Variants in CYREN observed in about 807,000 individuals in gnomAD.
CYREN encodes cell cycle regulator of NHEJ.
CYREN carries 7 observed loss-of-function variants against 9.7 expected under a neutral mutation model. The ratio of observed to expected loss-of-function variants is 0.72; its 90% CI spans 0.41 to 1.36. CYREN has a LOEUF of 1.36. Among genes scored for constraint, CYREN ranks in the 40% most tolerant of loss-of-function variants. The pLI is 0.01. For synonymous variants in CYREN, 76 were observed against 77.9 expected (o/e 0.98, Z 0.13); for missense variants, 215 against 198.1 (o/e 1.09, Z -0.51).
At chr7:135,161,819 T>A (rs1406681777), downstream of CYREN, among the ~76,000 whole-genome samples, 3 of 152,216 alleles carry the variant, frequency 2.0e-5, no homozygotes, top group Admixed American at 1.3e-4. This position sits in a 1 kb window ranked among gnomAD's most constrained non-coding sequence, Gnocchi z 4.1. Flanking sequence ...GGGCTTCTGC[T>A]GGGACAGCCC....
At chr7:135,132,426 T>C (rs1828893307) in intron 2 of CYREN, among the ~76,000 whole-genome samples, 1 of 152,178 alleles carries the variant, frequency 6.6e-6, no homozygotes, top group Non-Finnish European at 1.5e-5. Flanking sequence ...CAAGATCCTA[T>C]TAATTGGCAC....
intron 3 of CYREN, 144 bp downstream of exon 3, chr7:135,167,588 G>T (rs1830262254): frequency 6.8e-7 from 1 of 1,464,588 alleles, no homozygotes; most frequent in Non-Finnish European, 9.0e-7. Context: ...GGGCAGCATG[G>T]CCGAGATAAG....
chr7:135,164,556 C>T (rs751598178), downstream of CYREN: 9 of 1,614,104 alleles, frequency 5.6e-6, no homozygotes, highest in South Asian at 3.3e-5. Context: ...GGCTGGCAAC[C>T]TCACTGACCT....
downstream of CYREN, among the ~76,000 whole-genome samples, chr7:135,163,713 A>T (rs1231727984): frequency 2.0e-5 from 3 of 152,234 alleles, no homozygotes; most frequent in Non-Finnish European, 4.4e-5. Flanking sequence ...AGGAAAAAAT[A>T]TGTATTAGTT....
intron 2 of CYREN, chr7:135,152,710 C>T (rs1829694464): frequency 6.6e-6 from 1 of 152,190 alleles, no homozygotes; most frequent in Non-Finnish European, 1.5e-5. Flanking sequence ...TTCTTCCCTC[C>T]CTGGTCCCCT....
chr7:135,143,826 G>A (rs556315429), intron 2 of CYREN, among the ~76,000 whole-genome samples: 1 of 152,256 alleles, frequency 6.6e-6, no homozygotes, highest in East Asian at 1.9e-4. Context: ...ATCAAATAAA[G>A]ACATATTTAT....
At chr7:135,105,409 A>C (rs926214085) in intron 2 of CYREN, among the ~76,000 whole-genome samples, 3 of 152,162 alleles carry the variant, frequency 2.0e-5, no homozygotes, top group Non-Finnish European at 2.9e-5. Flanking sequence ...TGATTTTTGT[A>C]TATGGTGTAA....
In CYREN at chr7:135,128,194, C is replaced by T. The variant is rs189415729; in HGVS notation, n.357-33612G>A. 3.9e-3 allele frequency among the ~76,000 whole-genome samples: 539 copies of T among 139,280 alleles called. 2 individuals are homozygous for T. The highest frequency in any genetic ancestry group is 0.013 in the African/African-American group (495 of 37,690). 91.4% of individuals were successfully genotyped at this position (139,280 alleles called of 152,430 possible). Reference sequence around the variant, plus strand: ...GTAGTCCCAGCTACTCGGGAGGCTGCGACAGGAGAATTGCTTGAACCCAGG... The same window carrying T: ...GTAGTCCCAGCTACTCGGGAGGCTGTGACAGGAGAATTGCTTGAACCCAGG... On this transcript the variant is annotated intron_variant and non_coding_transcript_variant, in intron 2 of 2. Coordinates refer to the CYREN transcript ENST00000459937.
intron 2 of CYREN, among the ~76,000 whole-genome samples, chr7:135,123,290 T>C (rs1450165318): frequency 6.6e-6 from 1 of 152,048 alleles, no homozygotes; most frequent in East Asian, 1.9e-4. Context: ...GAAGAAAGGA[T>C]ATCAGAGTTT....
intron 2 of CYREN, among the ~76,000 whole-genome samples, chr7:135,149,306 T>G (rs906764014): frequency 4.6e-5 from 7 of 152,218 alleles, no homozygotes; most frequent in African/African-American, 1.7e-4. Flanking sequence ...TTTCAAATAC[T>G]TCTTTAGTCT....
Position 135,134,924 on chromosome 7 carries a change from G to A in CYREN, n.356+33825C>T, listed in dbSNP as rs761424217. 46 of 1,550,972 alleles carry A rather than the reference G, an allele frequency of 3.0e-5. 1 individual carries two copies. Among genetic ancestry groups the A allele is most frequent in the Non-Finnish European group, 4.0e-5 (46 of 1,146,648 alleles). ...AGAAATCACCCTTTTGTAATCCAAG[G>A]GGATGTTATGGCAAACTCTTCAGAA... On this transcript the variant is annotated intron_variant and non_coding_transcript_variant, in intron 2 of 2. Coordinates refer to the CYREN transcript ENST00000459937.
chr7:135,133,300 G>A (rs1430152966), intron 2 of CYREN, among the ~76,000 whole-genome samples: 1 of 152,156 alleles, frequency 6.6e-6, no homozygotes, highest in East Asian at 1.9e-4. Flanking sequence ...CTAAATGAGT[G>A]GAAAGATGTA....
intron 2 of CYREN, among the ~76,000 whole-genome samples, chr7:135,096,144 T>G (rs1406007696): frequency 8.5e-6 from 1 of 118,148 alleles, no homozygotes; most frequent in African/African-American, 2.9e-5. Flanking sequence ...AGAGACAGAC[T>G]CTCTCTCAAA....
At chr7:135,131,488 A>G (rs972289277) in intron 2 of CYREN, among the ~76,000 whole-genome samples, 3 of 152,124 alleles carry the variant, frequency 2.0e-5, no homozygotes, top group Non-Finnish European at 4.4e-5. Context: ...GGAAGTAAAA[A>G]TATGTATTTA....
chr7:135,154,559 CA>C (rs1173762606), intron 2 of CYREN, among the ~76,000 whole-genome samples: 3 of 151,920 alleles, frequency 2.0e-5, no homozygotes, highest in African/African-American at 7.3e-5. Context: ...TGTGTTTTTG[CA>C]TTCATTTCAA....
At chr7:135,133,066 T>TGC (rs1304291464) in intron 2 of CYREN, among the ~76,000 whole-genome samples, 1 of 92,548 alleles carries the variant, frequency 1.1e-5, no homozygotes, top group Non-Finnish European at 2.4e-5. Flanking sequence ...CACGCATGCG[T>TGC]GCACACACAC....
chr7:135,106,003 G>C (rs1210820747), intron 2 of CYREN, among the ~76,000 whole-genome samples: 1 of 152,060 alleles, frequency 6.6e-6, no homozygotes, highest in Non-Finnish European at 1.5e-5. Context: ...TGGCTATTAT[G>C]AATGGGATTG....
At chr7:135,153,728 T>C (rs1202990305) in intron 2 of CYREN, among the ~76,000 whole-genome samples, 1 of 152,170 alleles carries the variant, frequency 6.6e-6, no homozygotes, top group African/African-American at 2.4e-5. Flanking sequence ...TGATGTGCCA[T>C]TGGATTTGAT....
At position 135,167,856 on chromosome 7, in the gene CYREN, A is replaced by T. The variant is rs764114965; in HGVS notation, c.138-49T>A. ...CAGATGACACAGACTCTCAAGTCTC[A>T]TAAGGGCAAAGAGAACAGGAGAAGC... On this transcript the variant is annotated intron_variant, in intron 2 of 3. Coordinates refer to ENST00000393114, the MANE Select transcript of CYREN (RefSeq NM_024033.4). 16 of 1,613,076 alleles carry T rather than the reference A, an allele frequency of 9.9e-6. No homozygotes were observed. In the South Asian group the frequency reaches 1.5e-4, roughly 16 times the overall value.
Sources: gnomAD v4.1 joint callset for allele counts (sites outside exome capture counted in the v4.1 genomes callset) on GRCh38, gnomAD v4.1.1 for gene constraint, Gnocchi (gnomAD v3.1) non-coding constraint, MANE v1.5 for transcripts, NCBI Gene and HGNC (gene_info 2026-07-23, HGNC 2026-07-21) for gene names.